The following HIC2 variants were observed in gnomAD, a reference collection of about 807,000 sequenced individuals.
The protein encoded by HIC2 is hypermethylated in cancer 2 protein.
Under a neutral mutation model 39.5 loss-of-function variants are expected in HIC2, and 2 were observed. The ratio of observed to expected loss-of-function variants is 0.05; its 90% CI spans 0.02 to 0.16. The LOEUF is 0.16. Among genes scored for constraint, HIC2 ranks in the 10% least tolerant of loss-of-function variants. The pLI is 1.00. For synonymous variants in HIC2, 399 were observed against 368.8 expected, an observed-to-expected ratio of 1.08 and a Z score of -0.94; for missense variants, 713 against 863.5, an observed-to-expected ratio of 0.83 and a Z score of 2.18.
At chr22:21,425,429 C>T (rs1349373396) in intron 1 of HIC2, among the ~76,000 whole-genome samples, 4 of 147,332 alleles carry the variant, frequency 2.7e-5, no homozygotes, top group South Asian at 4.3e-4. Flanking sequence ...AGTGCAGTGG[C>T]GCAATCTCAG....
chr22:21,445,367 C>T lies in HIC2; in HGVS notation c.472C>T (p.Arg158Trp), dbSNP rs760714943. The T allele has an allele frequency of 6.4e-6, 10 of 1,560,456 alleles. No homozygotes were observed. The highest frequency in any genetic ancestry group is 1.4e-5 in the African/African-American group (1 of 73,786). Reference sequence around the variant, plus strand: ...GAGGGCGGGGTCCACTGGCATGGGGCGGCCCCCCCGCAGCCAGCGGCTGTC... The same window carrying T: ...GAGGGCGGGGTCCACTGGCATGGGGTGGCCCCCCCGCAGCCAGCGGCTGTC... ...SGRAGSTGMG[R>W]PPRSQRLSTA... The change falls in exon 3 of 3, where the codon CGG becomes TGG. Residue 158 changes from arginine to tryptophan, a missense_variant. Coordinates refer to ENST00000407464, the MANE Select transcript of HIC2 (RefSeq NM_015094.3).
rs1924118175 is a variant in HIC2, at chr22:21,450,491, C to G, written c.*3748C>G. 1 of 152,852 alleles carries G rather than the reference C, an allele frequency of 6.5e-6. No homozygotes were observed. Among genetic ancestry groups the G allele is most frequent in the African/African-American group, 2.4e-5 (1 of 41,470 alleles). 9.5% of individuals were successfully genotyped at this position (152,852 alleles called of 1,614,324 possible). The stretch of plus-strand genomic sequence containing the variant: ...CGGGCTGGGCCGCTGGGCAGGCTGA[C>G]CCCCTGCCCTCCTGCGGCCATCCTG... On this transcript the variant is annotated 3_prime_UTR_variant, in exon 3 of 3. Coordinates refer to ENST00000407464, the MANE Select transcript of HIC2 (RefSeq NM_015094.3).
chr22:21,432,030 T>C (rs1237217305), intron 1 of HIC2, among the ~76,000 whole-genome samples: 2 of 144,574 alleles, frequency 1.4e-5, no homozygotes, highest in Non-Finnish European at 3.0e-5. Context: ...TTTTTTTTCT[T>C]TCTTGGAGTA....
At position 21,443,035 on chromosome 22, in the gene HIC2, C is replaced by T. The variant is rs1379812226; in HGVS notation, c.26+178C>T. Among the ~76,000 whole-genome samples, 6 of 152,160 alleles carry T rather than the reference C, an allele frequency of 3.9e-5. No individual in the cohort carries two copies. In the East Asian group the frequency reaches 9.6e-4, roughly 24 times the overall value. ...GCCCTCTTCCAGTCCCCTTGCCAGT[C>T]TCGGGGTACCAGGTGTCTGGGTGCT... On this transcript the variant is annotated intron_variant, in intron 2 of 2. Coordinates refer to ENST00000407464, the MANE Select transcript of HIC2 (RefSeq NM_015094.3).
At chr22:21,418,502 T>TA (rs1292249717) in intron 1 of HIC2, among the ~76,000 whole-genome samples, 1 of 410 alleles carries the variant, frequency 2.4e-3, no homozygotes, top group Admixed American at 0.02. Flanking sequence ...GGAGCGGTGT[T>TA]AAAGTTATTT....
rs1922916696 is a variant in HIC2 at position 21,417,578 on chromosome 22, G to GGGGCGGGGGGCGCGGGGAGC, written c.-74+28_-74+47dup. ...CACACGAGGTGAGGGGCGGCCTTGT[G>GGGGCGGGGGGCGCGGGGAGC]GGGCGGGGGGCGCGGGGAGCGGGCG... On this transcript the variant is annotated intron_variant, in intron 1 of 2. Coordinates refer to ENST00000407464, the MANE Select transcript of HIC2 (RefSeq NM_015094.3). 1 of 147,430 alleles carries GGGGCGGGGGGCGCGGGGAGC rather than the reference G, an allele frequency of 6.8e-6. No individual in the cohort carries two copies. The highest frequency in any genetic ancestry group is 6.8e-5 in the Admixed American group (1 of 14,788). 9.1% of individuals were successfully genotyped at this position (147,430 alleles called of 1,614,324 possible). A position where few individuals can be genotyped will look rare whatever the true frequency, so the allele number is the denominator to read the frequency against.
rs1923783096 is a variant in HIC2 at position 21,445,822 on chromosome 22, G to A, written c.927G>A (p.Glu309=). The change falls in exon 3 of 3, where the codon GAG becomes GAA. Residue 309 remains glutamate (E), a synonymous_variant. Transcript: ENST00000407464. Reference sequence around the variant, plus strand: ...CCCCTGATGAGCCCATGGATCTGGAGGGGGCCGAGGACAACCACCTGAGCC... The same window carrying A: ...CCCCTGATGAGCCCATGGATCTGGAAGGGGCCGAGGACAACCACCTGAGCC... ...GGTPDEPMDL[E]GAEDNHLSLL... is the part of the protein sequence containing the mutation. 1.3e-6 allele frequency: 2 copies of A among 1,588,798 alleles called. No individual in the cohort carries two copies. Among genetic ancestry groups the A allele is most frequent in the Non-Finnish European group, 1.7e-6 (2 of 1,167,880 alleles).
intron 1 of HIC2, among the ~76,000 whole-genome samples, chr22:21,425,744 T>G (rs1209932249): frequency 1.2e-3 from 170 of 142,292 alleles, no homozygotes; most frequent in East Asian, 2.7e-3. Context: ...ACGGAGTCTT[T>G]CCCTGTCGCC....
rs1001188176 is a variant in HIC2 at position 21,446,807 on chromosome 22, G to A, written c.*64G>A. 1.5e-5 allele frequency: 23 copies of A among 1,546,612 alleles called. No individual in the cohort carries two copies. In the East Asian group the frequency reaches 1.6e-4, roughly 11 times the overall value. On this transcript the variant is annotated 3_prime_UTR_variant, in exon 3 of 3. Coordinates refer to ENST00000407464, the MANE Select transcript of HIC2 (RefSeq NM_015094.3). ...CCCGGGAACCCATGGAAGGAGAAGC[G>A]AGGTGATGCAGCAGCAGGGGCAAGA... is the stretch of plus-strand genomic sequence containing the variant.
In HIC2 at chr22:21,447,087, T is replaced by G; in HGVS notation, c.*344T>G. The G allele has an allele frequency of 1.1e-5, 3 of 283,850 alleles. No individual in the cohort carries two copies. The highest frequency in any genetic ancestry group is 1.3e-5 in the Non-Finnish European group (2 of 149,090). 17.6% of individuals were successfully genotyped at this position (283,850 alleles called of 1,614,324 possible). ...GCTTGGAGAAAGGGCAGTGGGACGC[T>G]GGCCACGGCCAGGGTGGTGTCGGGA... On this transcript the variant is annotated 3_prime_UTR_variant, in exon 3 of 3. Coordinates refer to ENST00000407464, the MANE Select transcript of HIC2 (RefSeq NM_015094.3).
chr22:21,426,255 C>T (rs1465081066), intron 1 of HIC2, among the ~76,000 whole-genome samples: 9 of 146,090 alleles, frequency 6.2e-5, no homozygotes, highest in Non-Finnish European at 1.2e-4. Context: ...TCAGTGCAGC[C>T]TCACCTTCTG....
chr22:21,448,878 C>T lies in HIC2; in HGVS notation c.*2135C>T, dbSNP rs1262014395. On this transcript the variant is annotated 3_prime_UTR_variant, in exon 3 of 3. Coordinates refer to ENST00000407464, the MANE Select transcript of HIC2 (RefSeq NM_015094.3). ...TACTCAGTGAGGGGGCTCCTGCCGTCCTGACGCCACCCCGCCCCATCAGCA... is the reference window on the plus strand; with the variant it reads ...TACTCAGTGAGGGGGCTCCTGCCGTTCTGACGCCACCCCGCCCCATCAGCA... 6.5e-6 allele frequency: 1 copy of T among 152,792 alleles called. No individual in the cohort carries two copies. Among genetic ancestry groups the T allele is most frequent in the African/African-American group, 2.4e-5 (1 of 41,456 alleles). The allele number at this position is 152,792 out of a possible 1,614,324, so 9.5% of individuals were successfully genotyped here.
At chr22:21,425,542 C>T (rs1185223967) in intron 1 of HIC2, among the ~76,000 whole-genome samples, 5 of 60,622 alleles carry the variant, frequency 8.2e-5, no homozygotes, top group African/African-American at 2.1e-4. Flanking sequence ...TTAATTTTTT[C>T]TTTTTTTTTT....
chr22:21,449,910 T>C lies in HIC2; in HGVS notation c.*3167T>C, dbSNP rs1289690107. The C allele has an allele frequency of 6.6e-6, 1 of 152,670 alleles. No homozygotes were observed. Among genetic ancestry groups the C allele is most frequent in the African/African-American group, 2.4e-5 (1 of 41,464 alleles). 9.5% of individuals were successfully genotyped at this position (152,670 alleles called of 1,614,324 possible). ...CCCCCTGCTGCTCTGCCCGTGACCC[T>C]TGGGGATGGGTTGATGCGAGGGTCC... On this transcript the variant is annotated 3_prime_UTR_variant, in exon 3 of 3. Transcript: ENST00000407464.
At chr22:21,443,105 C>T (rs978349965) in intron 2 of HIC2, among the ~76,000 whole-genome samples, 10 of 152,174 alleles carry the variant, frequency 6.6e-5, no homozygotes, top group African/African-American at 1.4e-4. Context: ...GTTACTGGGG[C>T]CAAGTGTGGA....
At chr22:21,435,634 CT>C (rs1378684096) in intron 1 of HIC2, among the ~76,000 whole-genome samples, 9 of 32,988 alleles carry the variant, frequency 2.7e-4, no homozygotes, top group Admixed American at 6.0e-4. Flanking sequence ...GCTCAGGCCC[CT>C]CTTAGGGGGC....
At chr22:21,417,641 A>G (rs1186783646) in intron 1 of HIC2, 81 bp downstream of exon 1, 1 of 136,928 alleles carries the variant, frequency 7.3e-6, no homozygotes, top group Non-Finnish European at 1.6e-5. Context: ...CCCCGGGGAG[A>G]GGGGCGTGGA....
In HIC2 at chr22:21,446,331, C is replaced by G; in HGVS notation, c.1436C>G (p.Thr479Arg). ...LFIKEEGAYE[T>R]GSGGAEEEAE... is the part of the protein sequence containing the mutation. ...ATCAAGGAAGAGGGGGCCTACGAGA[C>G]AGGCAGTGGGGGTGCCGAGGAGGAG... The change falls in exon 3 of 3, where the codon ACA (threonine) becomes AGA (arginine). Residue 479 changes from threonine to arginine, a missense_variant. Transcript: ENST00000407464. 2 of 1,613,036 alleles carry G rather than the reference C, an allele frequency of 1.2e-6. No homozygotes were observed. The highest frequency in any genetic ancestry group is 1.7e-6 in the Non-Finnish European group (2 of 1,179,956).
At chr22:21,426,361 A>G (rs1601325010) in intron 1 of HIC2, among the ~76,000 whole-genome samples, 2 of 105,244 alleles carry the variant, frequency 1.9e-5, no homozygotes, top group African/African-American at 3.6e-5. Flanking sequence ...TTTTTTCCAG[A>G]GATGGGATCT....
Sources: gnomAD v4.1 joint callset for allele counts (sites outside exome capture counted in the v4.1 genomes callset) on GRCh38, gnomAD v4.1.1 for gene constraint, MANE v1.5 for transcripts, NCBI Gene and HGNC (gene_info 2026-07-23, HGNC 2026-07-21) for gene names.